CHFR: variants seen among roughly 807,000 people sequenced by gnomAD.
The protein encoded by CHFR is E3 ubiquitin-protein ligase CHFR.
A neutral mutation model predicts 87.6 loss-of-function variants in CHFR; 57 were observed. That is an observed-to-expected ratio of 0.65 (90% CI 0.53 to 0.81). The LOEUF (loss-of-function observed/expected upper bound fraction) is 0.81, where lower values mean the gene tolerates loss of function less well. Ranked by LOEUF, CHFR falls within the 30% of genes least tolerant of loss-of-function variation. The pLI, the probability that CHFR is intolerant of heterozygous loss-of-function variation, is 0.00. For missense variants in CHFR, 797 were observed against 865.8 expected, an observed-to-expected ratio of 0.92 and a Z score of 1.00; for synonymous variants, 381 against 359.2, an observed-to-expected ratio of 1.06 and a Z score of -0.69.
chr12:132,887,376 G>T, intron 1 of CHFR, 36 bp from the exon 2 acceptor site: 1 of 1,275,060 alleles, frequency 7.8e-7, no homozygotes, highest in South Asian at 2.4e-5. Flanking sequence ...GGAGACTCCC[G>T]ACCCCAGAGG....
At chr12:132,872,109 C>G (rs1462869015) in intron 4 of CHFR, 176 bp downstream of exon 4, 11 of 539,694 alleles carry the variant, frequency 2.0e-5, no homozygotes, top group Non-Finnish European at 3.0e-5. Flanking sequence ...GCTGCAAAGT[C>G]GACACTCCCA....
At chr12:132,860,959 G>C (rs1951197339) in intron 7 of CHFR, among the ~76,000 whole-genome samples, 1 of 152,204 alleles carries the variant, frequency 6.6e-6, no homozygotes, top group Non-Finnish European at 1.5e-5. Flanking sequence ...CACCATGTTG[G>C]CCAGGCTGGT....
At chr12:132,852,049 T>C (rs1950959605) in intron 11 of CHFR, among the ~76,000 whole-genome samples, 2 of 152,102 alleles carry the variant, frequency 1.3e-5, no homozygotes, top group South Asian at 2.1e-4. Flanking sequence ...AGTGGCGTGA[T>C]CTCGGCTCAC....
rs1164831443 is a variant in CHFR at position 132,870,749 on chromosome 12, C to T, written c.378G>A (p.Lys126=). 1 of 1,611,378 alleles carries T rather than the reference C, an allele frequency of 6.2e-7. No individual in the cohort carries two copies. Residue 126 remains lysine (K), a synonymous_variant, in exon 5 of 18, where the codon AAG becomes AAA. Coordinates refer to ENST00000450056, the MANE Select transcript of CHFR (RefSeq NM_001161346.2). The part of the protein sequence containing the change: ...VAYLYESLSE[K]QGMTQESFDT... Reference sequence around the variant, plus strand: ...CAAAGGATTCTTGTGTCATGCCTTGCTTTTCACTTAAAGATTCATAGAGGT... The same window carrying T: ...CAAAGGATTCTTGTGTCATGCCTTGTTTTTCACTTAAAGATTCATAGAGGT...
chr12:132,856,373 G>A, intron 10 of CHFR, 95 bp downstream of exon 10: 1 of 1,352,680 alleles, frequency 7.4e-7, no homozygotes, highest in Non-Finnish European at 1.0e-6. Flanking sequence ...CTAGATCTCA[G>A]GACCCATGCT....
At chr12:132,843,617 C>A (rs1172246962) in intron 16 of CHFR, among the ~76,000 whole-genome samples, 1 of 152,118 alleles carries the variant, frequency 6.6e-6, no homozygotes, top group Non-Finnish European at 1.5e-5. Context: ...CGGCTCCTGA[C>A]TGAGGCCAAA....
At chr12:132,861,126 C>A (rs924640167) in intron 7 of CHFR, among the ~76,000 whole-genome samples, 2 of 152,200 alleles carry the variant, frequency 1.3e-5, no homozygotes, top group Admixed American at 1.3e-4. Flanking sequence ...TCAAGTGATT[C>A]TCCTGCCTTG....
intron 13 of CHFR, chr12:132,848,419 C>A: frequency 1.4e-6 from 1 of 715,586 alleles, no homozygotes; most frequent in Non-Finnish European, 2.4e-6. Context: ...AGGATTCTGT[C>A]CTGGGAGTAT....
Position 132,848,729 on chromosome 12 carries a change from G to A in CHFR, c.1493-5C>T, listed in dbSNP as rs1316908475. 1 of 1,576,876 alleles carries A rather than the reference G, an allele frequency of 6.3e-7. No homozygotes were observed. Among genetic ancestry groups the A allele is most frequent in the African/African-American group, 1.3e-5 (1 of 74,078 alleles). On this transcript the variant is annotated splice_region_variant and splice_polypyrimidine_tract_variant and intron_variant, in intron 12 of 17. Transcript: ENST00000450056. The stretch of plus-strand genomic sequence containing the variant: ...AAGGCTGCAGGCAGACCGCACCTGT[G>A]GAGAGAGGACACTCGTTACACGCAC...
rs375871219 is a variant in CHFR at position 132,869,570 on chromosome 12, A to G, written c.583+49T>C. 172 of 1,522,798 alleles carry G rather than the reference A, an allele frequency of 1.1e-4. No individual in the cohort carries two copies. In the African/African-American group the frequency reaches 2.1e-3, roughly 18 times the overall value. 94.3% of individuals were successfully genotyped at this position (1,522,798 alleles called of 1,614,324 possible). A position where few individuals can be genotyped will look rare whatever the true frequency, so the allele number is the denominator to read the frequency against. On this transcript the variant is annotated intron_variant, in intron 6 of 17. Transcript: ENST00000450056. ...GTAACAACACAGGTAAAGAGTAGTGAACAAAAACCATGCAACCAGCACCAA... is the reference window on the plus strand; with the variant it reads ...GTAACAACACAGGTAAAGAGTAGTGGACAAAAACCATGCAACCAGCACCAA...
At chr12:132,881,915 G>C (rs1951778739) in intron 2 of CHFR, among the ~76,000 whole-genome samples, 2 of 151,276 alleles carry the variant, frequency 1.3e-5, no homozygotes, top group South Asian at 4.2e-4. Flanking sequence ...GTGGCCAAAA[G>C]GGAAGTGGAA....
At chr12:132,862,136 G>T (rs527512444) in intron 6 of CHFR, among the ~76,000 whole-genome samples, 214 of 152,168 alleles carry the variant, frequency 1.4e-3, no homozygotes, top group African/African-American at 5.0e-3. Flanking sequence ...TTAGACAGGC[G>T]TGGTGGCGAG....
chr12:132,842,186 C>CA lies in CHFR; in HGVS notation c.1917-591dup, dbSNP rs574262218. 9.9e-5 allele frequency among the ~76,000 whole-genome samples: 15 copies of CA among 152,042 alleles called. No homozygotes were observed. The South Asian group carries it at 1.0e-3, about 11-fold the overall frequency. On this transcript the variant is annotated intron_variant, in intron 17 of 17. Coordinates refer to ENST00000450056, the MANE Select transcript of CHFR (RefSeq NM_001161346.2). ...GAAGAGAATAAAAGCTGCACCTCCTCAGGCATCCCCGTGGCATCTGCTGAC... is the reference window on the plus strand; with the variant it reads ...GAAGAGAATAAAAGCTGCACCTCCTCAAGGCATCCCCGTGGCATCTGCTGAC...
rs556147286 is a variant in CHFR at position 132,880,268 on chromosome 12, ATCT to A, written c.134-2617_134-2615del. On this transcript the variant is annotated intron_variant, in intron 2 of 17. Transcript: ENST00000450056. ...CTTCCAGTGGAAAAGACAGGCAAAA[ATCT>A]TAGTGCCGTTGGGTCTTGCATGGAC... 2.7e-4 allele frequency among the ~76,000 whole-genome samples: 41 copies of A among 152,302 alleles called. 1 individual carries two copies. The highest frequency in any genetic ancestry group is 2.0e-3 in the Admixed American group (30 of 15,288).
intron 16 of CHFR, 144 bp from the exon 17 acceptor site, chr12:132,843,227 G>T (rs528398581): frequency 1.4e-6 from 1 of 729,536 alleles, no homozygotes. Context: ...TCCTCGGACC[G>T]TTCTGAGATT....
Position 132,862,340 on chromosome 12 carries a change from C to G in CHFR, c.584-706G>C, listed in dbSNP as rs190910189. The G allele has an allele frequency of 7.8e-5, 31 of 399,192 alleles. No individual in the cohort carries two copies. In the Admixed American group the frequency reaches 9.4e-4, roughly 12 times the overall value. 24.7% of individuals were successfully genotyped at this position (399,192 alleles called of 1,614,324 possible). A position where few individuals can be genotyped will look rare whatever the true frequency, so the allele number is the denominator to read the frequency against. ...TGGGCATGGGGCTCACACCTGTAAT[C>G]ACAATACTTTGGGAGGCCAAGGTGG... is the stretch of plus-strand genomic sequence containing the variant. On this transcript the variant is annotated intron_variant, in intron 6 of 17. Transcript: ENST00000450056.
chr12:132,879,000 T>A (rs1236186064), intron 2 of CHFR, among the ~76,000 whole-genome samples: 1 of 107,504 alleles, frequency 9.3e-6, no homozygotes, highest in East Asian at 2.3e-4. Flanking sequence ...TTTTTTTTTG[T>A]TTTTGTTTGT....
At position 132,872,343 on chromosome 12, in the gene CHFR, G is replaced by A; in HGVS notation, c.285C>T (p.Cys95=). 1 of 1,613,590 alleles carries A rather than the reference G, an allele frequency of 6.2e-7. No homozygotes were observed. The highest frequency in any genetic ancestry group is 8.5e-7 in the Non-Finnish European group (1 of 1,179,590). Residue 95 remains cysteine, a synonymous_variant, in exon 4 of 18, where the codon TGC becomes TGT. Coordinates refer to ENST00000450056, the MANE Select transcript of CHFR (RefSeq NM_001161346.2). ...NKLKVVKKQT[C]PLQTGDVIYL... ...AGATGACATCCCCAGTCTGTAAAGGGCATGTCTGCTTCTTAACAACCTTCA... is the reference window on the plus strand; with the variant it reads ...AGATGACATCCCCAGTCTGTAAAGGACATGTCTGCTTCTTAACAACCTTCA...
At chr12:132,875,779 T>A (rs528424126) in intron 3 of CHFR, among the ~76,000 whole-genome samples, 2 of 152,254 alleles carry the variant, frequency 1.3e-5, no homozygotes, top group Non-Finnish European at 2.9e-5. Context: ...ACAATAAATG[T>A]CCACCAATAA....
Sources: allele counts gnomAD v4.1 joint callset (sites outside exome capture counted in the v4.1 genomes callset), GRCh38; gene constraint gnomAD v4.1.1; transcripts MANE v1.5; gene names NCBI Gene and HGNC (gene_info 2026-07-23, HGNC 2026-07-21).